The following EYS variants were observed in gnomAD, a reference collection of about 807,000 sequenced individuals.
EYS encodes the protein protein eyes shut homolog.
EYS carries 250 observed loss-of-function variants against 282.1 expected under a neutral mutation model. That is an observed-to-expected ratio of 0.89 (90% CI 0.80 to 0.98). The LOEUF (loss-of-function observed/expected upper bound fraction) is 0.98, where lower values mean the gene tolerates loss of function less well. Ranked by LOEUF, EYS falls within the 50% of genes least tolerant of loss-of-function variation. The probability of loss-of-function intolerance (pLI) is 0.00; values close to 1 mark genes in which losing one functional copy is unlikely to be tolerated. For missense variants in EYS, 4,016 were observed against 3,709.0 expected (o/e 1.08, Z -2.15); for synonymous variants, 1,355 against 1,282.9 (o/e 1.06, Z -1.20).
At chr6:64,053,340 AG>A (rs1413590175) in intron 33 of EYS, among the ~76,000 whole-genome samples, 3 of 152,142 alleles carry the variant, frequency 2.0e-5, no homozygotes, top group African/African-American at 7.2e-5. Flanking sequence ...AATTATGTTC[AG>A]TAATTTTATA....
At chr6:64,126,378 C>A (rs1434633068) in intron 31 of EYS, among the ~76,000 whole-genome samples, 1 of 151,692 alleles carries the variant, frequency 6.6e-6, no homozygotes, top group African/African-American at 2.4e-5. Context: ...GCACTATTCT[C>A]TTCTACATCA....
intron 41 of EYS, among the ~76,000 whole-genome samples, chr6:63,729,094 C>G (rs960539307): frequency 1.4e-4 from 21 of 152,136 alleles, no homozygotes; most frequent in Non-Finnish European, 2.2e-4. Flanking sequence ...TGAGCATTTT[C>G]ATATGCTCAT....
At chr6:63,862,310 C>T (rs578193563) in intron 36 of EYS, among the ~76,000 whole-genome samples, 2 of 152,076 alleles carry the variant, frequency 1.3e-5, no homozygotes, top group African/African-American at 4.8e-5. Flanking sequence ...TCTTATCTTT[C>T]TTGACAAGTT....
chr6:64,656,341 A>G (rs952115214), intron 22 of EYS, among the ~76,000 whole-genome samples: 5 of 152,250 alleles, frequency 3.3e-5, no homozygotes, highest in African/African-American at 1.2e-4. Flanking sequence ...ATTATTCTTG[A>G]ATAACAGGCT....
At chr6:65,099,798 C>T (rs781098396) in intron 12 of EYS, among the ~76,000 whole-genome samples, 20 of 150,706 alleles carry the variant, frequency 1.3e-4, no homozygotes, top group African/African-American at 3.6e-4. Context: ...AACATATCTC[C>T]GGACTGCTGC....
Position 65,423,217 on chromosome 6 carries a change from C to G in EYS, c.863-17850G>C, listed in dbSNP as rs1337933162. ...ACTGAGAAGGGGGAGGAGTAAATAT[C>G]TGAGAACGCTGGCAACATTTTATTT... On this transcript the variant is annotated intron_variant, in intron 5 of 42. Coordinates refer to ENST00000503581, the MANE Select transcript of EYS (RefSeq NM_001142800.2). 3.3e-5 allele frequency among the ~76,000 whole-genome samples: 5 copies of G among 151,806 alleles called. No individual in the cohort carries two copies. In the Admixed American group the frequency reaches 3.3e-4, roughly 10 times the overall value.
At chr6:63,736,282 T>C (rs947808442) in intron 41 of EYS, among the ~76,000 whole-genome samples, 6 of 152,206 alleles carry the variant, frequency 3.9e-5, no homozygotes, top group African/African-American at 1.2e-4. Context: ...AAGGAAGTGA[T>C]CCAGTTTCAG....
chr6:64,119,386 G>A (rs1285479041), intron 31 of EYS, among the ~76,000 whole-genome samples: 2 of 152,042 alleles, frequency 1.3e-5, no homozygotes, highest in Non-Finnish European at 2.9e-5. Flanking sequence ...CCTAATGGCC[G>A]CTTTGATACA....
intron 12 of EYS, among the ~76,000 whole-genome samples, chr6:65,179,846 A>C (rs1244947854): frequency 6.6e-6 from 1 of 152,034 alleles, no homozygotes; most frequent in Non-Finnish European, 1.5e-5. Flanking sequence ...CACATCAAAA[A>C]GCTTATCCAC....
chr6:64,832,752 T>C (rs1765263194), intron 19 of EYS, among the ~76,000 whole-genome samples: 1 of 151,946 alleles, frequency 6.6e-6, no homozygotes, highest in Admixed American at 6.6e-5. Flanking sequence ...ATTAAATGTA[T>C]GTAGTGTTTT....
intron 26 of EYS, among the ~76,000 whole-genome samples, chr6:64,476,068 G>A (rs577414912): frequency 4.6e-5 from 7 of 152,236 alleles, no homozygotes; most frequent in African/African-American, 1.4e-4. Context: ...TAGGATTACA[G>A]GTGTAAGCCA....
chr6:63,734,349 C>T (rs1404058412), intron 41 of EYS, among the ~76,000 whole-genome samples: 1 of 152,094 alleles, frequency 6.6e-6, no homozygotes, highest in African/African-American at 2.4e-5. Flanking sequence ...ATGGCTATTA[C>T]ATCCATCAAG....
intron 1 of EYS, among the ~76,000 whole-genome samples, chr6:65,645,049 C>T (rs1005253713): frequency 3.3e-5 from 5 of 151,980 alleles, no homozygotes; most frequent in African/African-American, 1.2e-4. Context: ...ATAATAATAC[C>T]TCACATCTCA....
At chr6:64,699,081 T>C (rs1770688075) in intron 22 of EYS, among the ~76,000 whole-genome samples, 1 of 152,084 alleles carries the variant, frequency 6.6e-6, no homozygotes, top group Non-Finnish European at 1.5e-5. Context: ...TAAATGCCCA[T>C]CAATGACAGA....
chr6:65,343,425 T>G (rs904293175), intron 10 of EYS, among the ~76,000 whole-genome samples: 1 of 151,298 alleles, frequency 6.6e-6, no homozygotes, highest in Admixed American at 6.6e-5. Flanking sequence ...AAGTTCCTAT[T>G]CCTAAGTTGT....
chr6:63,901,536 T>G (rs1327243359), intron 35 of EYS, among the ~76,000 whole-genome samples: 1 of 152,158 alleles, frequency 6.6e-6, no homozygotes, highest in African/African-American at 2.4e-5. Flanking sequence ...TGAACCCCAG[T>G]TAGAATAAAC....
intron 41 of EYS, among the ~76,000 whole-genome samples, chr6:63,736,959 G>C (rs1428750737): frequency 3.9e-5 from 6 of 152,154 alleles, no homozygotes. Flanking sequence ...CTTTGCTGAA[G>C]TTGCTTATCA....
In EYS at chr6:65,364,901, T is replaced by C. The variant is rs987796422; in HGVS notation, c.1300-11284A>G. 3.0e-4 allele frequency among the ~76,000 whole-genome samples: 45 copies of C among 151,746 alleles called. 1 individual carries two copies. The highest frequency in any genetic ancestry group is 1.1e-3 in the Admixed American group (17 of 14,928). ...TCAAATGCGAAAAGTAACTTTTTCTTTGGATGAAAATCTCAGTGATAGTGT... is the reference window on the plus strand; with the variant it reads ...TCAAATGCGAAAAGTAACTTTTTCTCTGGATGAAAATCTCAGTGATAGTGT... On this transcript the variant is annotated intron_variant, in intron 8 of 42. Transcript: ENST00000503581.
intron 23 of EYS, among the ~76,000 whole-genome samples, chr6:64,623,635 G>GA (rs1311965250): frequency 6.6e-6 from 1 of 152,030 alleles, no homozygotes; most frequent in Non-Finnish European, 1.5e-5. Flanking sequence ...AAAAAAGGTA[G>GA]AATTTTCAAT....
Sources: allele counts gnomAD v4.1 joint callset (sites outside exome capture counted in the v4.1 genomes callset), GRCh38; gene constraint gnomAD v4.1.1; transcripts MANE v1.5; gene names NCBI Gene and HGNC (gene_info 2026-07-23, HGNC 2026-07-21).